STAU2: variants seen among roughly 807,000 people sequenced by gnomAD.
The protein encoded by STAU2 is double-stranded RNA-binding protein Staufen homolog 2.
STAU2 carries 20 observed loss-of-function variants against 65.9 expected under a neutral mutation model. That is an observed-to-expected ratio of 0.30 (90% CI 0.21 to 0.44). The LOEUF (loss-of-function observed/expected upper bound fraction) is 0.44. Ranked by LOEUF, STAU2 falls within the 20% of genes least tolerant of loss-of-function variation. The probability of loss-of-function intolerance (pLI) is 1.00; values close to 1 mark genes in which losing one functional copy is unlikely to be tolerated. For synonymous variants in STAU2, 232 were observed against 233.9 expected (o/e 0.99, Z 0.07); for missense variants, 558 against 683.9 (o/e 0.82, Z 2.05).
chr8:73,735,825 G>A (rs552130600), intron 3 of STAU2, among the ~76,000 whole-genome samples: 2 of 152,260 alleles, frequency 1.3e-5, no homozygotes, highest in South Asian at 4.1e-4. Flanking sequence ...ATCCTCATTA[G>A]GACTAATCCA....
intron 9 of STAU2, among the ~76,000 whole-genome samples, chr8:73,604,953 A>G (rs1344074103): frequency 6.6e-6 from 1 of 152,182 alleles, no homozygotes; most frequent in Non-Finnish European, 1.5e-5. Context: ...ACAGTAGCTC[A>G]TATGTACAGG....
At chr8:73,569,544 T>C (rs1172447571) in intron 12 of STAU2, among the ~76,000 whole-genome samples, 1 of 150,842 alleles carries the variant, frequency 6.6e-6, no homozygotes, top group Non-Finnish European at 1.5e-5. Context: ...GAAGCCTAAC[T>C]GGGAGACACC....
At chr8:73,703,857 A>G (rs1325942469) in intron 4 of STAU2, among the ~76,000 whole-genome samples, 1 of 152,214 alleles carries the variant, frequency 6.6e-6, no homozygotes, top group African/African-American at 2.4e-5. Context: ...AGGACACTGG[A>G]AATGTTTGTT....
At chr8:73,470,825 A>G (rs1168478765) in intron 13 of STAU2, among the ~76,000 whole-genome samples, 2 of 152,032 alleles carry the variant, frequency 1.3e-5, no homozygotes, top group African/African-American at 2.4e-5. Flanking sequence ...TTTTTTTTTA[A>G]ATAATAGAGA....
Position 73,454,403 on chromosome 8 carries a change from C to A in STAU2, c.1531-31701G>T, listed in dbSNP as rs116675914. ...CCTAATTTTTACAATGTTAAGTGGG[C>A]CTACCTTCAACTCACATAGTTACTT... On this transcript the variant is annotated intron_variant, in intron 13 of 14. Coordinates refer to ENST00000524300, the MANE Select transcript of STAU2 (RefSeq NM_001164380.2). Among the ~76,000 whole-genome samples the A allele has an allele frequency of 5.4e-3, 821 of 152,274 alleles. 17 individuals are homozygous for A. The highest frequency in any genetic ancestry group is 0.018 in the African/African-American group (765 of 41,534).
chr8:73,523,595 A>AC (rs1174569270), intron 13 of STAU2, among the ~76,000 whole-genome samples: 4 of 151,860 alleles, frequency 2.6e-5, no homozygotes, highest in Non-Finnish European at 4.4e-5. Context: ...CCCTCTCCAT[A>AC]CCCCCAGCCC....
chr8:73,454,419 A>G (rs1228180532), intron 13 of STAU2, among the ~76,000 whole-genome samples: 1 of 152,232 alleles, frequency 6.6e-6, no homozygotes, highest in Non-Finnish European at 1.5e-5. Context: ...TTCAACTCAC[A>G]TAGTTACTTT....
Position 73,603,674 on chromosome 8 carries a change from C to G in STAU2, c.1029+52G>C, listed in dbSNP as rs1351347902. On this transcript the variant is annotated intron_variant, in intron 10 of 14. Coordinates refer to ENST00000524300, the MANE Select transcript of STAU2 (RefSeq NM_001164380.2). ...TTTGCCTTTCGCCCAAATGCCTATT[C>G]CATCCTGGGGATTTCTAAATCTTTT... is the stretch of plus-strand genomic sequence containing the variant. 10 of 1,579,730 alleles carry G rather than the reference C, an allele frequency of 6.3e-6. No individual in the cohort carries two copies. In the Admixed American group the frequency reaches 1.5e-4, roughly 23 times the overall value.
chr8:73,426,927 T>TA (rs1491184067), intron 13 of STAU2, among the ~76,000 whole-genome samples: 3 of 58,488 alleles, frequency 5.1e-5, no homozygotes, highest in African/African-American at 1.7e-4. Flanking sequence ...TTTTTAAAGA[T>TA]TTTTTTTTTT....
At chr8:73,583,296 C>T (rs921064610) in intron 11 of STAU2, among the ~76,000 whole-genome samples, 6 of 151,894 alleles carry the variant, frequency 4.0e-5, no homozygotes, top group South Asian at 2.1e-4. Context: ...GAAGTGCCTG[C>T]CACCACGCCC....
intron 12 of STAU2, among the ~76,000 whole-genome samples, chr8:73,557,432 G>A (rs572851685): frequency 1.2e-4 from 18 of 152,244 alleles, no homozygotes; most frequent in African/African-American, 3.6e-4. Flanking sequence ...AATTTAAGTC[G>A]CTTTTCAATA....
intron 12 of STAU2, among the ~76,000 whole-genome samples, chr8:73,567,871 G>T (rs541636339): frequency 6.6e-6 from 1 of 152,126 alleles, no homozygotes; most frequent in Admixed American, 6.5e-5. Context: ...GGGGAGTTGG[G>T]CAGGATGGTG....
intron 12 of STAU2, among the ~76,000 whole-genome samples, chr8:73,577,405 C>T (rs908652862): frequency 4.1e-4 from 59 of 144,082 alleles, no homozygotes; most frequent in South Asian, 3.0e-3. Context: ...CCAGCCTGGG[C>T]GACAGAGCAA....
At position 73,504,207 on chromosome 8, in the gene STAU2, T is replaced by G. The variant is rs182143859; in HGVS notation, c.1530+47805A>C. Among the ~76,000 whole-genome samples, 136 of 152,234 alleles carry G rather than the reference T, an allele frequency of 8.9e-4. 1 individual carries two copies. The highest frequency in any genetic ancestry group is 2.9e-3 in the African/African-American group (119 of 41,568). ...GAGGGGGAAGCAACCTACAGCGATATTAGCTTAAAAATGACTTCTAATAGC... is the reference window on the plus strand; with the variant it reads ...GAGGGGGAAGCAACCTACAGCGATAGTAGCTTAAAAATGACTTCTAATAGC... On this transcript the variant is annotated intron_variant, in intron 13 of 14. Transcript: ENST00000524300.
At chr8:73,485,492 C>A (rs1357392503) in intron 13 of STAU2, among the ~76,000 whole-genome samples, 2 of 151,840 alleles carry the variant, frequency 1.3e-5, no homozygotes, top group African/African-American at 4.8e-5. Context: ...GGGAGAGATC[C>A]GAACCTGCTA....
chr8:73,519,450 C>T (rs915947455), intron 13 of STAU2, among the ~76,000 whole-genome samples: 1 of 151,894 alleles, frequency 6.6e-6, no homozygotes, highest in Admixed American at 6.6e-5. Flanking sequence ...TAATTTAGGA[C>T]GCCACGAAAA....
At chr8:73,455,858 G>T (rs1351321090) in intron 13 of STAU2, among the ~76,000 whole-genome samples, 1 of 152,058 alleles carries the variant, frequency 6.6e-6, no homozygotes, top group Non-Finnish European at 1.5e-5. Context: ...TATCTCTCTA[G>T]CCCCAACACA....
chr8:73,441,676 C>T (rs1200603614), intron 13 of STAU2: 3 of 152,164 alleles, frequency 2.0e-5, no homozygotes, highest in African/African-American at 7.2e-5. Flanking sequence ...CACACAGTTT[C>T]ATTAATTCTC....
chr8:73,492,820 G>A (rs1366351808), intron 13 of STAU2, among the ~76,000 whole-genome samples: 1 of 151,806 alleles, frequency 6.6e-6, no homozygotes, highest in Non-Finnish European at 1.5e-5. Context: ...AGATATATGT[G>A]CAAAGATTAT....
Sources: allele counts gnomAD v4.1 joint callset (sites outside exome capture counted in the v4.1 genomes callset), GRCh38; gene constraint gnomAD v4.1.1; transcripts MANE v1.5; gene names NCBI Gene and HGNC (gene_info 2026-07-23, HGNC 2026-07-21).